The following MDGA2 variants were observed in gnomAD, a reference collection of about 807,000 sequenced individuals.
MDGA2 encodes MAM domain-containing glycosylphosphatidylinositol anchor protein 2.
In MDGA2, 40 loss-of-function variants were observed where a neutral mutation model predicts 117.8. That is an observed-to-expected ratio of 0.34 (90% CI 0.26 to 0.44). The LOEUF (loss-of-function observed/expected upper bound fraction) is 0.44. Ranked by LOEUF, MDGA2 falls within the 20% of genes least tolerant of loss-of-function variation. The probability of loss-of-function intolerance (pLI) is 1.00; values close to 1 mark genes in which losing one functional copy is unlikely to be tolerated. For missense variants in MDGA2, 1,123 were observed against 1,250.6 expected (o/e 0.90, Z 1.54); for synonymous variants, 452 against 439.0 (o/e 1.03, Z -0.37).
chr14:46,938,507 T>C (rs1595056913), intron 9 of MDGA2, among the ~76,000 whole-genome samples: 1 of 81,496 alleles, frequency 1.2e-5, no homozygotes, highest in Non-Finnish European at 2.5e-5. Flanking sequence ...GCCATTGTAC[T>C]CCAGCTTGGG....
At chr14:47,067,066 G>A (rs10140743) in intron 6 of MDGA2, among the ~76,000 whole-genome samples, 46,970 of 152,132 alleles carry the variant, frequency 0.31, 8,729 homozygotes, top group African/African-American at 0.52. Context: ...AGTGAGCCAA[G>A]ATCAGGCCAC....
chr14:47,431,566 G>A (rs1307382070), intron 1 of MDGA2, among the ~76,000 whole-genome samples: 2 of 151,968 alleles, frequency 1.3e-5, no homozygotes, highest in African/African-American at 2.4e-5. Context: ...GTAAATCCAG[G>A]TCTTGGCTTT....
intron 2 of MDGA2, among the ~76,000 whole-genome samples, chr14:47,268,699 G>C (rs754791543): frequency 2.0e-5 from 3 of 152,102 alleles, no homozygotes; most frequent in Non-Finnish European, 4.4e-5. Flanking sequence ...TAGAAACAAA[G>C]ATGCAGTTTG....
chr14:46,846,800 TA>T lies in MDGA2; in HGVS notation c.2884-930del, dbSNP rs1022975494. Among the ~76,000 whole-genome samples, 222 of 152,214 alleles carry T rather than the reference TA, an allele frequency of 1.5e-3. 3 individuals carry two copies. The highest frequency in any genetic ancestry group is 1.0e-4 in the Non-Finnish European group (7 of 67,954). On this transcript the variant is annotated intron_variant, in intron 15 of 16. Coordinates refer to ENST00000399232, the MANE Select transcript of MDGA2 (RefSeq NM_001113498.3). ...CAGTTCTAGAAAAATATTTACATGT[TA>T]AAAGGAAATATCTGCTTTGGTCATT...
At chr14:47,027,630 T>TATAC (rs1412356461) in intron 8 of MDGA2, among the ~76,000 whole-genome samples, 1 of 148,486 alleles carries the variant, frequency 6.7e-6, no homozygotes, top group Admixed American at 6.8e-5. Context: ...TTATATATTA[T>TATAC]ATATATATAT....
intron 1 of MDGA2, among the ~76,000 whole-genome samples, chr14:47,621,230 A>G (rs893107983): frequency 2.0e-5 from 3 of 152,164 alleles, no homozygotes; most frequent in Non-Finnish European, 4.4e-5. Context: ...TATATTAAAT[A>G]CAGTTAAGGT....
chr14:47,170,264 A>G (rs1345911979), intron 3 of MDGA2, among the ~76,000 whole-genome samples: 1 of 152,180 alleles, frequency 6.6e-6, no homozygotes, highest in Non-Finnish European at 1.5e-5. Flanking sequence ...GAGAAGAAGG[A>G]AAGTAAGAAA....
chr14:47,030,074 C>T (rs1286211877), intron 8 of MDGA2, among the ~76,000 whole-genome samples: 1 of 152,080 alleles, frequency 6.6e-6, no homozygotes, highest in Non-Finnish European at 1.5e-5. Flanking sequence ...GATCCACCCA[C>T]CTCAGCCTCC....
intron 1 of MDGA2, among the ~76,000 whole-genome samples, chr14:47,553,311 TA>T (rs1895621341): frequency 6.6e-6 from 1 of 152,228 alleles, no homozygotes; most frequent in Non-Finnish European, 1.5e-5. Flanking sequence ...AATAGATGTC[TA>T]AAAAACATTA....
At chr14:47,429,882 G>C (rs553259724) in intron 1 of MDGA2, among the ~76,000 whole-genome samples, 3 of 150,886 alleles carry the variant, frequency 2.0e-5, no homozygotes, top group Non-Finnish European at 4.4e-5. Context: ...AGCTAAGAGG[G>C]AAACAAGGAG....
At chr14:47,621,214 G>A (rs12589514) in intron 1 of MDGA2, among the ~76,000 whole-genome samples, 114,859 of 151,916 alleles carry the variant, frequency 0.76, 43,450 homozygotes, top group Admixed American at 0.78. Context: ...ACAAATTCTT[G>A]AACCCTATAT....
chr14:46,904,270 G>T (rs1347923326), intron 10 of MDGA2, among the ~76,000 whole-genome samples: 1 of 151,356 alleles, frequency 6.6e-6, no homozygotes, highest in African/African-American at 2.4e-5. Context: ...TACTCCGGAG[G>T]CTGAGGCAAG....
At chr14:47,059,352 T>C in intron 7 of MDGA2, 1 of 1,258,962 alleles carries the variant, frequency 7.9e-7, no homozygotes, top group Non-Finnish European at 1.0e-6. Flanking sequence ...AAGAAGTCAA[T>C]ATATTTCTTT....
intron 1 of MDGA2, among the ~76,000 whole-genome samples, chr14:47,674,004 G>A (rs1259217814): frequency 6.6e-6 from 1 of 151,334 alleles, no homozygotes; most frequent in Non-Finnish European, 1.5e-5. Flanking sequence ...CGCTGGTGCA[G>A]AACGCAACTC....
At chr14:47,018,489 C>T (rs71418126) in intron 8 of MDGA2, among the ~76,000 whole-genome samples, 16 of 152,034 alleles carry the variant, frequency 1.1e-4, no homozygotes, top group African/African-American at 2.4e-4. Flanking sequence ...ATAATCTGTT[C>T]TGCCTCTTGG....
intron 1 of MDGA2, among the ~76,000 whole-genome samples, chr14:47,558,252 T>C (rs545382652): frequency 6.6e-6 from 1 of 152,298 alleles, no homozygotes; most frequent in East Asian, 1.9e-4. Flanking sequence ...CCAATCCTGG[T>C]TTAAAATAAC....
intron 3 of MDGA2, among the ~76,000 whole-genome samples, chr14:47,173,613 AC>A (rs1450306121): frequency 7.2e-5 from 11 of 152,300 alleles, no homozygotes; most frequent in Non-Finnish European, 1.2e-4. Flanking sequence ...AGATTTTGTC[AC>A]CACCAGGCCT....
chr14:47,421,841 A>G (rs12895530), intron 1 of MDGA2, among the ~76,000 whole-genome samples: 36,550 of 152,086 alleles, frequency 0.24, 4,688 homozygotes, highest in Middle Eastern at 0.41. Flanking sequence ...AAATACAAGA[A>G]TGCATTCTTT....
In MDGA2 at chr14:46,929,621, A is replaced by T. The variant is rs1162403007; in HGVS notation, c.2090-9461T>A. On this transcript the variant is annotated intron_variant, in intron 9 of 16. Transcript: ENST00000399232. ...TGTGTGTATATATATATATATATATATATATATATATATATATATATATAT... is the reference window on the plus strand; with the variant it reads ...TGTGTGTATATATATATATATATATTTATATATATATATATATATATATAT... Among the ~76,000 whole-genome samples the T allele has an allele frequency of 1.4e-3, 32 of 23,532 alleles. 2 individuals carry two copies. The highest frequency in any genetic ancestry group is 3.0e-3 in the African/African-American group (21 of 7,096). 15.4% of individuals were successfully genotyped at this position (23,532 alleles called of 152,430 possible).
Sources: allele counts gnomAD v4.1 joint callset (sites outside exome capture counted in the v4.1 genomes callset), GRCh38; gene constraint gnomAD v4.1.1; transcripts MANE v1.5; gene names NCBI Gene and HGNC (gene_info 2026-07-23, HGNC 2026-07-21).